COBLL1: variants seen among roughly 807,000 people sequenced by gnomAD.
COBLL1 encodes cordon-bleu protein-like 1.
A neutral mutation model predicts 94.8 loss-of-function variants in COBLL1; 50 were observed. The ratio of observed to expected loss-of-function variants is 0.53; its 90% confidence interval spans 0.42 to 0.67. The LOEUF (loss-of-function observed/expected upper bound fraction) is 0.67. Among genes scored for constraint, COBLL1 ranks in the 30% least tolerant of loss-of-function variants. The pLI is 0.00. For synonymous variants in COBLL1, 448 were observed against 473.8 expected, an observed-to-expected ratio of 0.95 and a Z score of 0.71; for missense variants, 1,362 against 1,348.7, an observed-to-expected ratio of 1.01 and a Z score of -0.15.
intron 2 of COBLL1, among the ~76,000 whole-genome samples, chr2:164,758,597 G>A (rs1687527313): frequency 6.6e-6 from 1 of 151,928 alleles, no homozygotes; most frequent in African/African-American, 2.4e-5. Context: ...ACATATATGG[G>A]AGAATCACTG....
intron 2 of COBLL1, among the ~76,000 whole-genome samples, chr2:164,782,603 T>A (rs909909746): frequency 6.6e-6 from 1 of 152,106 alleles, no homozygotes; most frequent in Non-Finnish European, 1.5e-5. Flanking sequence ...GTGGTGATGG[T>A]TGCACAACAC....
At chr2:164,697,994 A>G (rs920898523) in intron 11 of COBLL1, 3 of 152,098 alleles carry the variant, frequency 2.0e-5, no homozygotes, top group Non-Finnish European at 2.9e-5. Context: ...ACAGAATAAA[A>G]CTACTTTAAG....
intron 2 of COBLL1, among the ~76,000 whole-genome samples, chr2:164,816,533 C>T (rs1684759728): frequency 1.3e-5 from 2 of 152,006 alleles, no homozygotes; most frequent in South Asian, 2.1e-4. Context: ...AAGCTGAGGG[C>T]AAGAAGAGGT....
chr2:164,835,980 G>C lies in COBLL1; in HGVS notation c.41+5176C>G, dbSNP rs148919162. 1.1e-4 allele frequency among the ~76,000 whole-genome samples: 17 copies of C among 152,218 alleles called. No individual in the cohort carries two copies. The East Asian group carries it at 3.3e-3, about 29-fold the overall frequency. Reference sequence around the variant, plus strand: ...TTAAAAGTAGTTGTCTTAATAACATGAAGTTTGGCATTTATTATTATATTA... The same window carrying C: ...TTAAAAGTAGTTGTCTTAATAACATCAAGTTTGGCATTTATTATTATATTA... On this transcript the variant is annotated intron_variant, in intron 2 of 13. Transcript: ENST00000652658.
In COBLL1 at chr2:164,722,058, A is replaced by C; in HGVS notation, c.996+17T>G. On this transcript the variant is annotated intron_variant, in intron 7 of 13. Coordinates refer to ENST00000652658, the MANE Select transcript of COBLL1 (RefSeq NM_001365672.2). ...TGCCTCATCCAAAAAAACAAAATAG[A>C]AAACAAAACTACACACCTTATCTGT... 6.5e-7 allele frequency: 1 copy of C among 1,541,794 alleles called. No homozygotes were observed. Among genetic ancestry groups the C allele is most frequent in the Non-Finnish European group, 8.7e-7 (1 of 1,144,390 alleles).
intron 2 of COBLL1, among the ~76,000 whole-genome samples, chr2:164,776,916 AT>A (rs1688491925): frequency 6.6e-6 from 1 of 152,138 alleles, no homozygotes; most frequent in South Asian, 2.1e-4. Context: ...AAAAATAAAC[AT>A]TGTTTTGGAA....
intron 3 of COBLL1, among the ~76,000 whole-genome samples, chr2:164,736,054 AT>A (rs547424153): frequency 4.0e-5 from 6 of 151,598 alleles, no homozygotes; most frequent in African/African-American, 9.7e-5. Context: ...TAGAGGGCTG[AT>A]TTTTTTTTAA....
rs181612453 is a variant in COBLL1 at position 164,828,523 on chromosome 2, T to C, written c.41+12633A>G. 3.1e-3 allele frequency among the ~76,000 whole-genome samples: 475 copies of C among 152,192 alleles called. 6 individuals are homozygous for C. Among genetic ancestry groups the C allele is most frequent in the African/African-American group, 0.011 (441 of 41,528 alleles). ...CTCTTTATGTAATAAAATGGAATAA[T>C]TACAAAGTAGATTGTTAAGTAAAAA... is the stretch of plus-strand genomic sequence containing the variant. On this transcript the variant is annotated intron_variant, in intron 2 of 13. Coordinates refer to ENST00000652658, the MANE Select transcript of COBLL1 (RefSeq NM_001365672.2).
intron 2 of COBLL1, among the ~76,000 whole-genome samples, chr2:164,754,759 C>A (rs1574525757): frequency 6.6e-6 from 1 of 152,268 alleles, no homozygotes; most frequent in East Asian, 1.9e-4. Flanking sequence ...ATTTTAAATT[C>A]TTTTAGGACC....
chr2:164,707,438 G>T (rs1349617033), intron 7 of COBLL1, among the ~76,000 whole-genome samples: 1 of 152,080 alleles, frequency 6.6e-6, no homozygotes, highest in Non-Finnish European at 1.5e-5. Flanking sequence ...ACCATACCCG[G>T]TCAAATGTCA....
intron 2 of COBLL1, chr2:164,773,847 G>A: frequency 1.5e-6 from 1 of 663,788 alleles, no homozygotes; most frequent in Non-Finnish European, 2.1e-6. Context: ...TCTTACCTCT[G>A]GCAAATATGT....
rs536807334 is a variant in COBLL1, at chr2:164,706,179, A to G, written c.997-1074T>C. Among the ~76,000 whole-genome samples the G allele has an allele frequency of 3.3e-5, 5 of 152,336 alleles. No individual in the cohort carries two copies. In the East Asian group the frequency reaches 5.8e-4, roughly 18 times the overall value. On this transcript the variant is annotated intron_variant, in intron 7 of 13. Transcript: ENST00000652658. ...ATCAAAGTCACCAAAGACCTTGACTATGAAGAAATCTGTGGCCACTTCTCA... is the reference window on the plus strand; with the variant it reads ...ATCAAAGTCACCAAAGACCTTGACTGTGAAGAAATCTGTGGCCACTTCTCA...
chr2:164,699,348 T>G (rs530930221), intron 11 of COBLL1, 57 bp downstream of exon 11: 86 of 1,092,468 alleles, frequency 7.9e-5, no homozygotes, highest in Non-Finnish European at 1.1e-4. Flanking sequence ...TGTTAAGAAC[T>G]GTCCTTGGCA....
At chr2:164,836,360 T>C (rs1683316720) in intron 2 of COBLL1, among the ~76,000 whole-genome samples, 1 of 152,180 alleles carries the variant, frequency 6.6e-6, no homozygotes, top group African/African-American at 2.4e-5. Flanking sequence ...CATTGAAATT[T>C]ATAGTTTTTA....
chr2:164,789,062 C>T (rs1253356698), intron 2 of COBLL1, among the ~76,000 whole-genome samples: 1 of 135,998 alleles, frequency 7.4e-6, no homozygotes, highest in African/African-American at 2.9e-5. Flanking sequence ...CACACACACA[C>T]ACAGATGCAG....
Position 164,680,959 on chromosome 2 carries a change from A to T in COBLL1, c.*4987T>A, listed in dbSNP as rs954823266. On this transcript the variant is annotated 3_prime_UTR_variant, in exon 14 of 14. Coordinates refer to ENST00000652658, the MANE Select transcript of COBLL1 (RefSeq NM_001365672.2). ...GGAGAGAATATACTTTTGCACTACG[A>T]CTAAGAAAAAAAATATTTAGAATTG... 2.6e-5 allele frequency: 4 copies of T among 152,114 alleles called. No homozygotes were observed. Among genetic ancestry groups the T allele is most frequent in the Non-Finnish European group, 5.9e-5 (4 of 68,016 alleles). The allele number at this position is 152,114 out of a possible 1,614,324, so 9.4% of individuals were successfully genotyped here.
chr2:164,827,155 G>A (rs548367729), intron 2 of COBLL1, among the ~76,000 whole-genome samples: 2 of 152,076 alleles, frequency 1.3e-5, no homozygotes, highest in South Asian at 4.2e-4. Flanking sequence ...CCCCATGCTG[G>A]CCAGGCTGGT....
chr2:164,736,808 T>A (rs1334003690), intron 3 of COBLL1, among the ~76,000 whole-genome samples: 3 of 152,158 alleles, frequency 2.0e-5, no homozygotes, highest in Non-Finnish European at 2.9e-5. Context: ...AATACCATAT[T>A]GTTGTAAAAA....
At chr2:164,834,820 C>T (rs187684454) in intron 2 of COBLL1, among the ~76,000 whole-genome samples, 2 of 152,228 alleles carry the variant, frequency 1.3e-5, no homozygotes, top group Middle Eastern at 3.4e-3. Flanking sequence ...AGAATTAAAA[C>T]AGATTGAAAA....
Sources: allele counts gnomAD v4.1 joint callset (sites outside exome capture counted in the v4.1 genomes callset), GRCh38; gene constraint gnomAD v4.1.1; transcripts MANE v1.5; gene names NCBI Gene and HGNC (gene_info 2026-07-23, HGNC 2026-07-21).